PDE4D: variants seen among roughly 807,000 people sequenced by gnomAD.
The protein encoded by PDE4D is 3',5'-cyclic-AMP phosphodiesterase 4D.
Under a neutral mutation model 87.4 loss-of-function variants are expected in PDE4D, and 24 were observed. The observed-to-expected ratio is 0.27, with a 90% confidence interval of 0.20 to 0.39. The LOEUF is 0.39. PDE4D is among the 10% of genes least tolerant of loss of function. The pLI, the probability that PDE4D is intolerant of heterozygous loss-of-function variation, is 1.00. For synonymous variants in PDE4D, 384 were observed against 383.2 expected, an observed-to-expected ratio of 1.00 and a Z score of -0.02; for missense variants, 714 against 1,041.0, an observed-to-expected ratio of 0.69 and a Z score of 4.32.
intron 1 of PDE4D, among the ~76,000 whole-genome samples, chr5:59,706,859 T>C (rs1753486253): frequency 6.6e-6 from 1 of 152,196 alleles, no homozygotes; most frequent in Admixed American, 6.5e-5. Flanking sequence ...TTAGAGTGGT[T>C]TTCTTAAAAC....
intron 1 of PDE4D, among the ~76,000 whole-genome samples, chr5:60,486,081 T>C (rs1749114810): frequency 6.6e-6 from 1 of 152,194 alleles, no homozygotes; most frequent in African/African-American, 2.4e-5. Context: ...CTACACCAAG[T>C]GGGCCACATG....
chr5:59,840,440 T>C (rs1742813075), intron 1 of PDE4D, among the ~76,000 whole-genome samples: 1 of 151,994 alleles, frequency 6.6e-6, no homozygotes, highest in South Asian at 2.1e-4. Flanking sequence ...TCTCACCATA[T>C]CACCAGCTCC....
At chr5:59,382,380 A>G (rs1786053108) in intron 1 of PDE4D, among the ~76,000 whole-genome samples, 1 of 152,226 alleles carries the variant, frequency 6.6e-6, no homozygotes, top group African/African-American at 2.4e-5. Context: ...CCATACCTCT[A>G]TTCCACAAGC....
At chr5:59,620,755 C>T (rs1055436966) in intron 1 of PDE4D, among the ~76,000 whole-genome samples, 7 of 152,142 alleles carry the variant, frequency 4.6e-5, no homozygotes, top group Non-Finnish European at 8.8e-5. Context: ...ACTCAGCTGT[C>T]TGTTTTGTCT....
intron 5 of PDE4D, among the ~76,000 whole-genome samples, chr5:59,165,896 A>T (rs1443656688): frequency 6.6e-6 from 1 of 152,092 alleles, no homozygotes; most frequent in Non-Finnish European, 1.5e-5. Context: ...TGACAAAGAA[A>T]CTAAGAACAG....
intron 2 of PDE4D, among the ~76,000 whole-genome samples, chr5:60,094,259 G>T (rs1331671223): frequency 6.6e-6 from 1 of 152,050 alleles, no homozygotes; most frequent in Non-Finnish European, 1.5e-5. Flanking sequence ...AGTCACTTAT[G>T]GGCAGCTTAC....
chr5:59,423,941 G>A (rs973975412), intron 1 of PDE4D, among the ~76,000 whole-genome samples: 1 of 151,966 alleles, frequency 6.6e-6, no homozygotes, highest in Non-Finnish European at 1.5e-5. Context: ...ACAGAGACTA[G>A]TTATAAAGTT....
intron 1 of PDE4D, among the ~76,000 whole-genome samples, chr5:59,278,110 C>T (rs10491352): frequency 0.23 from 35,402 of 151,774 alleles, 4,482 homozygotes; most frequent in Admixed American, 0.35. Context: ...TGCTTCTACT[C>T]CTAATATTTA....
intron 6 of PDE4D, among the ~76,000 whole-genome samples, chr5:59,003,106 T>C (rs531899118): frequency 6.6e-5 from 10 of 152,338 alleles, no homozygotes; most frequent in Non-Finnish European, 1.3e-4. Context: ...AATGCTGTAA[T>C]TGCTTCTTAG....
intron 1 of PDE4D, among the ~76,000 whole-genome samples, chr5:60,398,930 A>G (rs934024086): frequency 2.5e-4 from 38 of 151,954 alleles, no homozygotes; most frequent in African/African-American, 9.2e-4. Flanking sequence ...TAATCACTAA[A>G]CTCTACTTCC....
chr5:59,050,011 C>T (rs550600439), intron 5 of PDE4D, among the ~76,000 whole-genome samples: 3 of 152,278 alleles, frequency 2.0e-5, no homozygotes, highest in South Asian at 2.1e-4. Context: ...TGTCTGTAAT[C>T]CCAGCCTTTT....
chr5:59,493,260 T>TAAGA (rs1806555407), intron 1 of PDE4D, among the ~76,000 whole-genome samples: 2 of 152,320 alleles, frequency 1.3e-5, no homozygotes, highest in South Asian at 4.1e-4. Context: ...GCCAAAATCC[T>TAAGA]TTGTTAAGAT....
intron 5 of PDE4D, among the ~76,000 whole-genome samples, chr5:59,105,251 A>G (rs549813861): frequency 6.6e-6 from 1 of 152,322 alleles, no homozygotes; most frequent in South Asian, 2.1e-4. Flanking sequence ...CTGCCTTAGG[A>G]ACTTTTCAGA....
chr5:60,132,755 G>A (rs1028498321), intron 2 of PDE4D, among the ~76,000 whole-genome samples: 18 of 152,088 alleles, frequency 1.2e-4, no homozygotes, highest in African/African-American at 3.9e-4. Flanking sequence ...AAGTAGGGAG[G>A]CTGAGGCAGG....
At chr5:59,823,491 C>T (rs1020798367) in intron 1 of PDE4D, among the ~76,000 whole-genome samples, 1 of 152,186 alleles carries the variant, frequency 6.6e-6, no homozygotes, top group African/African-American at 2.4e-5. Context: ...TTGGCAGCCT[C>T]TCCTTTCCCC....
chr5:59,126,303 A>T (rs1775395717), intron 5 of PDE4D, among the ~76,000 whole-genome samples: 1 of 152,234 alleles, frequency 6.6e-6, no homozygotes, highest in Non-Finnish European at 1.5e-5. Flanking sequence ...TTCAGAGGAT[A>T]ACCCAAATTC....
At chr5:59,842,429 C>T (rs769783270) in intron 1 of PDE4D, among the ~76,000 whole-genome samples, 3 of 151,938 alleles carry the variant, frequency 2.0e-5, no homozygotes, top group Non-Finnish European at 2.9e-5. Flanking sequence ...TGAAATAAAA[C>T]GTGAAGTGAT....
At chr5:59,713,381 A>G (rs1402030655) in intron 1 of PDE4D, among the ~76,000 whole-genome samples, 2 of 152,178 alleles carry the variant, frequency 1.3e-5, no homozygotes, top group Admixed American at 6.5e-5. Flanking sequence ...GATCACCCAC[A>G]TGAGCTTGTA....
At chr5:59,171,189 T>C (rs1782710438) in intron 5 of PDE4D, among the ~76,000 whole-genome samples, 1 of 152,000 alleles carries the variant, frequency 6.6e-6, no homozygotes, top group Non-Finnish European at 1.5e-5. Flanking sequence ...GCTCATACTT[T>C]CACTTTAAAA....
Sources: gnomAD v4.1 joint callset for allele counts (sites outside exome capture counted in the v4.1 genomes callset) on GRCh38, gnomAD v4.1.1 for gene constraint, MANE v1.5 for transcripts, NCBI Gene and HGNC (gene_info 2026-07-23, HGNC 2026-07-21) for gene names.